Variants in E2F5 observed in about 807,000 individuals in gnomAD.
E2F5 encodes the protein E2F transcription factor 5.
In E2F5, 23 loss-of-function variants were observed where a neutral mutation model predicts 39.1. That is an observed-to-expected ratio of 0.59 (90% confidence interval 0.42 to 0.83). The LOEUF is 0.83. Among genes scored for constraint, E2F5 ranks in the 40% least tolerant of loss-of-function variants. E2F5 has a pLI of 0.00. For missense variants in E2F5, 365 were observed against 406.7 expected (o/e 0.90, Z 0.88); for synonymous variants, 145 against 157.8 (o/e 0.92, Z 0.61).
At chr8:85,200,366 GAAAT>G (rs138294833) in intron 1 of E2F5, 549,213 of 830,672 alleles carry the variant, frequency 0.66, 183,426 homozygotes, top group Non-Finnish European at 0.67. Flanking sequence ...AAGTATTTGA[GAAAT>G]AATGTTTAGT....
At chr8:85,187,283 T>C (rs144090097) in intron 1 of E2F5, among the ~76,000 whole-genome samples, 3 of 152,284 alleles carry the variant, frequency 2.0e-5, no homozygotes, top group African/African-American at 7.2e-5. Context: ...TGTATTCTTC[T>C]ACTGTTGGAT....
At chr8:85,185,767 G>T (rs571549199) in intron 1 of E2F5, among the ~76,000 whole-genome samples, 1 of 152,144 alleles carries the variant, frequency 6.6e-6, no homozygotes, top group African/African-American at 2.4e-5. Context: ...AATGCTCATC[G>T]TCACTGGTCA....
rs892166650 is a variant in E2F5, at chr8:85,200,108, G to A, written c.235-2039G>A. Among the ~76,000 whole-genome samples, 5 of 152,096 alleles carry A rather than the reference G, an allele frequency of 3.3e-5. No homozygotes were observed. In the South Asian group the frequency reaches 6.2e-4, roughly 19 times the overall value. On this transcript the variant is annotated intron_variant, in intron 1 of 7. Transcript: ENST00000416274. ...CTAAAAATACAAAAATTAGCCAGTC[G>A]TGGTGGTACACACCTGTAGTCCCAG...
At position 85,206,338 on chromosome 8, in the gene E2F5, C is replaced by CTCA. The variant is rs1167846376; in HGVS notation, c.550+119_550+121dup. ...TTTTCAGAAGTTGTGGGCATTGTGT[C>CTCA]TCACTCCACCATGCCGTGTATTGAT... On this transcript the variant is annotated intron_variant, in intron 4 of 7. Coordinates refer to ENST00000416274, the MANE Select transcript of E2F5 (RefSeq NM_001951.4). 6 of 954,710 alleles carry CTCA rather than the reference C, an allele frequency of 6.3e-6. No homozygotes were observed. The East Asian group carries it at 1.2e-4, about 20-fold the overall frequency. The allele number at this position is 954,710 out of a possible 1,614,324, so 59.1% of individuals were successfully genotyped here. A position where few individuals can be genotyped will look rare whatever the true frequency, so the allele number is the denominator to read the frequency against.
chr8:85,196,867 T>A (rs1341769302), intron 1 of E2F5, among the ~76,000 whole-genome samples: 1 of 152,242 alleles, frequency 6.6e-6, no homozygotes, highest in Non-Finnish European at 1.5e-5. Flanking sequence ...TCTAAAGATA[T>A]AAATTATCTT....
rs148438192 is a variant in E2F5, at chr8:85,193,451, C to G, written c.235-8696C>G. Among the ~76,000 whole-genome samples the G allele has an allele frequency of 4.6e-5, 7 of 152,222 alleles. No homozygotes were observed. The East Asian group carries it at 1.4e-3, about 29-fold the overall frequency. On this transcript the variant is annotated intron_variant, in intron 1 of 7. Transcript: ENST00000416274. ...TGAGTGGAGATCATGCCACTGCACT[C>G]CAGCCTGGGTGACAGAGAATCCATC...
At chr8:85,194,649 C>G (rs1261216992) in intron 1 of E2F5, among the ~76,000 whole-genome samples, 1 of 150,640 alleles carries the variant, frequency 6.6e-6, no homozygotes, top group East Asian at 2.0e-4. Flanking sequence ...ATTCTCCTGC[C>G]TCAGCCTCCC....
At chr8:85,212,227 AACTC>A (rs1485448971) in intron 7 of E2F5, 23 bp downstream of exon 7, 33 of 1,548,930 alleles carry the variant, frequency 2.1e-5, no homozygotes, top group Non-Finnish European at 2.9e-5. Context: ...AAATTTTACT[AACTC>A]ACTTATCAGT....
chr8:85,180,636 G>A (rs1378401432), intron 1 of E2F5, among the ~76,000 whole-genome samples: 1 of 132,774 alleles, frequency 7.5e-6, no homozygotes, highest in Non-Finnish European at 1.6e-5. Context: ...GGAGTGCAGT[G>A]GCGCAATCTC....
In E2F5 at chr8:85,212,105, A is replaced by G. The variant is rs1216303806; in HGVS notation, c.884-52A>G. On this transcript the variant is annotated intron_variant, in intron 6 of 7. Coordinates refer to ENST00000416274, the MANE Select transcript of E2F5 (RefSeq NM_001951.4). ...CTGTGACTACTTGTGTTTAAATATG[A>G]GTATCTTTTACTGTTAACAGAAATA... The G allele has an allele frequency of 2.2e-6, 3 of 1,381,410 alleles. No homozygotes were observed. In the African/African-American group the frequency reaches 4.3e-5, roughly 20 times the overall value. 85.6% of individuals were successfully genotyped at this position (1,381,410 alleles called of 1,614,324 possible).
intron 1 of E2F5, among the ~76,000 whole-genome samples, chr8:85,199,477 C>CT (rs1812646298): frequency 6.6e-6 from 1 of 152,236 alleles, no homozygotes; most frequent in South Asian, 2.1e-4. Context: ...ACATCTATAT[C>CT]TTTAAGACCC....
At chr8:85,209,701 C>G (rs1409598441) in intron 6 of E2F5, among the ~76,000 whole-genome samples, 1 of 152,144 alleles carries the variant, frequency 6.6e-6, no homozygotes, top group Non-Finnish European at 1.5e-5. Flanking sequence ...ATCACAAGGT[C>G]AGGTGTGGAA....
At chr8:85,211,643 GTTTTTTTTTTTTTTTT>G (rs950695727) in intron 6 of E2F5, among the ~76,000 whole-genome samples, 6 of 52,212 alleles carry the variant, frequency 1.1e-4, no homozygotes, top group African/African-American at 4.5e-4. Flanking sequence ...GTTTGTTGTT[GTTTTTTTTTTTTTTTT>G]TTTTTTTTTT....
intron 5 of E2F5, 69 bp from the exon 6 acceptor site, chr8:85,209,073 A>T (rs1812859629): frequency 6.7e-7 from 1 of 1,498,840 alleles, no homozygotes; most frequent in Admixed American, 1.9e-5. Flanking sequence ...TGCCTGTCTT[A>T]TTGTACTGTC....
chr8:85,213,924 T>A lies in E2F5; in HGVS notation c.*62T>A. 1.1e-6 allele frequency: 1 copy of A among 935,268 alleles called. No homozygotes were observed. The highest frequency in any genetic ancestry group is 1.7e-6 in the Non-Finnish European group (1 of 590,472). The allele number at this position is 935,268 out of a possible 1,614,324, so 57.9% of individuals were successfully genotyped here. ...CTGTGTAACATTTTAGACTTCTTAA[T>A]AACCTAAATATTTAAAATAATGAAT... On this transcript the variant is annotated 3_prime_UTR_variant, in exon 8 of 8. Transcript: ENST00000416274.
intron 1 of E2F5, among the ~76,000 whole-genome samples, chr8:85,201,217 T>C (rs1812692180): frequency 6.6e-6 from 1 of 152,202 alleles, no homozygotes; most frequent in South Asian, 2.1e-4. Flanking sequence ...TTAGCAATTA[T>C]GCGAAGCTGG....
chr8:85,212,926 C>A (rs1412049083), intron 7 of E2F5: 4 of 151,766 alleles, frequency 2.6e-5, no homozygotes, highest in Non-Finnish European at 5.9e-5. Flanking sequence ...CTCTGTCATC[C>A]AGGCTGGAGT....
chr8:85,186,449 T>A (rs947451670), intron 1 of E2F5, among the ~76,000 whole-genome samples: 2 of 151,776 alleles, frequency 1.3e-5, no homozygotes, highest in African/African-American at 4.8e-5. Context: ...GGCACATGTA[T>A]ACCTATGTAA....
chr8:85,212,190 T>C lies in E2F5; in HGVS notation c.917T>C (p.Leu306Ser). Reference sequence around the variant, plus strand: ...ATTAGTGGAGATATCATTGATGAGTTAATGTCTTCTGACGGTAAGTAGGTT... The same window carrying C: ...ATTAGTGGAGATATCATTGATGAGTCAATGTCTTCTGACGGTAAGTAGGTT... ...GSISGDIIDE[L>S]MSSDVFPLLR... The change falls in exon 7 of 8, where the codon TTA becomes TCA. Residue 306 changes from leucine (L) to serine (S), a missense_variant. Leu to Ser is a moderately radical substitution (Grantham distance 145). Coordinates refer to ENST00000416274, the MANE Select transcript of E2F5 (RefSeq NM_001951.4). 1 of 1,609,852 alleles carries C rather than the reference T, an allele frequency of 6.2e-7. No individual in the cohort carries two copies. The highest frequency in any genetic ancestry group is 1.1e-5 in the South Asian group (1 of 90,342).
Sources: gnomAD v4.1 joint callset for allele counts (sites outside exome capture counted in the v4.1 genomes callset) on GRCh38, gnomAD v4.1.1 for gene constraint, MANE v1.5 for transcripts, NCBI Gene and HGNC (gene_info 2026-07-23, HGNC 2026-07-21) for gene names.